UBAC2: variants seen among roughly 807,000 people sequenced by gnomAD.
UBAC2 encodes ubiquitin-associated domain-containing protein 2.
In UBAC2, 26 loss-of-function variants were observed where a neutral mutation model predicts 44.0. That is an observed-to-expected ratio of 0.59 (90% CI 0.43 to 0.82). The LOEUF (loss-of-function observed/expected upper bound fraction) is 0.82. Ranked by LOEUF, UBAC2 falls within the 40% of genes least tolerant of loss-of-function variation. The pLI is 0.00. For synonymous variants in UBAC2, 155 were observed against 154.3 expected (o/e 1.00, Z -0.04); for missense variants, 329 against 419.4 (o/e 0.78, Z 1.88).
At chr13:99,277,505 A>T (rs975145662) in intron 4 of UBAC2, among the ~76,000 whole-genome samples, 2 of 152,240 alleles carry the variant, frequency 1.3e-5, no homozygotes, top group Non-Finnish European at 2.9e-5. Flanking sequence ...AGCCTGGGCA[A>T]CAAGAGGGAA....
intron 4 of UBAC2, among the ~76,000 whole-genome samples, chr13:99,302,295 G>T (rs923060627): frequency 2.6e-5 from 4 of 152,192 alleles, no homozygotes; most frequent in African/African-American, 9.7e-5. Context: ...GGAGCAGGGA[G>T]AAATAAAATC....
At chr13:99,261,110 A>C (rs1034731908) in intron 4 of UBAC2, among the ~76,000 whole-genome samples, 2 of 152,256 alleles carry the variant, frequency 1.3e-5, no homozygotes, top group African/African-American at 4.8e-5. Flanking sequence ...TTCTGTTAGC[A>C]TAGCAAGTGT....
rs535908637 is a variant in UBAC2 at position 99,311,300 on chromosome 13, G to C, written c.390-2797G>C. The stretch of plus-strand genomic sequence containing the variant: ...AGGGGGAAGGCTGTGAGGGCGGGAG[G>C]TGCGGTTTGAAATGGGGCAGTCAGG... On this transcript the variant is annotated intron_variant, in intron 4 of 8. Coordinates refer to ENST00000403766, the MANE Select transcript of UBAC2 (RefSeq NM_001144072.2). 7.2e-5 allele frequency among the ~76,000 whole-genome samples: 11 copies of C among 152,278 alleles called. No individual in the cohort carries two copies. In the South Asian group the frequency reaches 2.1e-3, roughly 29 times the overall value.
At chr13:99,383,789 T>C (rs999473674) in intron 8 of UBAC2, among the ~76,000 whole-genome samples, 4 of 152,262 alleles carry the variant, frequency 2.6e-5, no homozygotes, top group African/African-American at 9.6e-5. Flanking sequence ...TTCTGAGCAG[T>C]GTCCACTGCG....
At chr13:99,335,330 A>G (rs2044771940) in intron 6 of UBAC2, among the ~76,000 whole-genome samples, 1 of 151,738 alleles carries the variant, frequency 6.6e-6, no homozygotes, top group Non-Finnish European at 1.5e-5. Flanking sequence ...GTTTTATATC[A>G]GATCTTCAGA....
chr13:99,209,803 A>G (rs183606012), intron 1 of UBAC2, among the ~76,000 whole-genome samples: 2 of 152,042 alleles, frequency 1.3e-5, no homozygotes, highest in African/African-American at 4.8e-5. Context: ...GTGAAACCCT[A>G]TCTCTACTAA....
At chr13:99,264,493 TG>T (rs2043714432) in intron 4 of UBAC2, among the ~76,000 whole-genome samples, 3 of 152,246 alleles carry the variant, frequency 2.0e-5, no homozygotes, top group Admixed American at 2.0e-4. Context: ...TGGCTTCGTT[TG>T]TCCCCTTTTT....
chr13:99,291,920 A>G (rs2044093815), intron 4 of UBAC2, among the ~76,000 whole-genome samples: 1 of 152,208 alleles, frequency 6.6e-6, no homozygotes. Context: ...AATGCTGTAT[A>G]TATAAGAGAA....
At chr13:99,291,786 C>A (rs2044091926) in intron 4 of UBAC2, among the ~76,000 whole-genome samples, 1 of 152,114 alleles carries the variant, frequency 6.6e-6, no homozygotes, top group Non-Finnish European at 1.5e-5. Flanking sequence ...TGTTTCTTTT[C>A]ATTGAGAATT....
intron 1 of UBAC2, among the ~76,000 whole-genome samples, chr13:99,214,871 C>T (rs1297405459): frequency 6.6e-6 from 1 of 152,068 alleles, no homozygotes; most frequent in Non-Finnish European, 1.5e-5. Context: ...TGCTGTCATG[C>T]TTGTTCGGTG....
At chr13:99,333,374 C>A (rs1354713734) in intron 6 of UBAC2, among the ~76,000 whole-genome samples, 1 of 152,192 alleles carries the variant, frequency 6.6e-6, no homozygotes, top group Non-Finnish European at 1.5e-5. Flanking sequence ...AACTCTTTAT[C>A]TTTTATCATA....
Position 99,247,740 on chromosome 13 carries a change from A to G in UBAC2, c.389+3116A>G, listed in dbSNP as rs190970337. On this transcript the variant is annotated intron_variant, in intron 4 of 8. Transcript: ENST00000403766. Reference sequence around the variant, plus strand: ...CACGTTCTGCACATGTATCCCCGGAACTTAAAATAAAAATATGTGCTTTAC... The same window carrying G: ...CACGTTCTGCACATGTATCCCCGGAGCTTAAAATAAAAATATGTGCTTTAC... 2.9e-3 allele frequency among the ~76,000 whole-genome samples: 442 copies of G among 152,296 alleles called. 3 individuals are homozygous for G. Among genetic ancestry groups the G allele is most frequent in the African/African-American group, 0.01 (423 of 41,562 alleles).
At chr13:99,292,963 G>A (rs576544280) in intron 4 of UBAC2, among the ~76,000 whole-genome samples, 143 of 152,210 alleles carry the variant, frequency 9.4e-4, no homozygotes, top group South Asian at 1.0e-3. Flanking sequence ...AGAATGCCCC[G>A]GAAATAAATG....
chr13:99,276,141 T>A (rs965585048), intron 4 of UBAC2, among the ~76,000 whole-genome samples: 1 of 152,196 alleles, frequency 6.6e-6, no homozygotes, highest in Non-Finnish European at 1.5e-5. Flanking sequence ...TCTGCCAAGA[T>A]GGGGAGAGGC....
At chr13:99,348,251 C>G (rs1050830068) in intron 7 of UBAC2, among the ~76,000 whole-genome samples, 1 of 152,182 alleles carries the variant, frequency 6.6e-6, no homozygotes, top group Non-Finnish European at 1.5e-5. Context: ...ACGCCGCCTG[C>G]GCCTTCAAGA....
At chr13:99,214,760 T>C (rs2042972298) in intron 1 of UBAC2, among the ~76,000 whole-genome samples, 1 of 152,150 alleles carries the variant, frequency 6.6e-6, no homozygotes, top group African/African-American at 2.4e-5. Flanking sequence ...GGAGAGTTTC[T>C]AGGATTTTAT....
At chr13:99,310,936 C>T (rs941655963) in intron 4 of UBAC2, among the ~76,000 whole-genome samples, 8 of 152,120 alleles carry the variant, frequency 5.3e-5, no homozygotes, top group Non-Finnish European at 1.2e-4. Flanking sequence ...AAATAGGGTT[C>T]TATAATCACC....
At chr13:99,262,007 G>A (rs966336118) in intron 4 of UBAC2, among the ~76,000 whole-genome samples, 43 of 152,280 alleles carry the variant, frequency 2.8e-4, no homozygotes, top group African/African-American at 9.1e-4. Context: ...TCTGTTGCAT[G>A]CCATTCTGAG....
chr13:99,340,234 G>T (rs929357764), intron 6 of UBAC2, 86 bp from the exon 7 acceptor site: 13 of 1,482,354 alleles, frequency 8.8e-6, no homozygotes, highest in African/African-American at 1.4e-5. Context: ...CGTGTGCAGT[G>T]TCTGGAGGCT....
Sources: gnomAD v4.1 joint callset for allele counts (sites outside exome capture counted in the v4.1 genomes callset) on GRCh38, gnomAD v4.1.1 for gene constraint, MANE v1.5 for transcripts, NCBI Gene and HGNC (gene_info 2026-07-23, HGNC 2026-07-21) for gene names.